The following ANKRD6 variants were observed in gnomAD, a reference collection of about 807,000 sequenced individuals.
ANKRD6 encodes the protein ankyrin repeat domain 6.
ANKRD6 carries 56 observed loss-of-function variants against 82.3 expected under a neutral mutation model. That is an observed-to-expected ratio of 0.68 (90% CI 0.55 to 0.85). The LOEUF is 0.85. ANKRD6 is among the 40% of genes least tolerant of loss of function. The pLI is 0.00. For missense variants in ANKRD6, 852 were observed against 907.6 expected (o/e 0.94, Z 0.79); for synonymous variants, 347 against 352.1 (o/e 0.99, Z 0.16).
In ANKRD6 at chr6:89,480,181, T is replaced by C. The variant is rs781674518; in HGVS notation, c.-144+46806T>C. On this transcript the variant is annotated intron_variant, in intron 1 of 15. Transcript: ENST00000339746. Reference sequence around the variant, plus strand: ...TCATACTCTCCTAGATTGTTGTCTGTCTGAAAGGTAACTATCCCAGAAGAT... The same window carrying C: ...TCATACTCTCCTAGATTGTTGTCTGCCTGAAAGGTAACTATCCCAGAAGAT... 5.9e-4 allele frequency among the ~76,000 whole-genome samples: 90 copies of C among 152,214 alleles called. 1 individual carries two copies. Among genetic ancestry groups the C allele is most frequent in the Non-Finnish European group, 1.1e-3 (77 of 68,038 alleles).
chr6:89,552,928 A>G (rs1294111760), intron 1 of ANKRD6, among the ~76,000 whole-genome samples: 1 of 152,046 alleles, frequency 6.6e-6, no homozygotes, highest in Non-Finnish European at 1.5e-5. Flanking sequence ...TGAGAAGGGG[A>G]CCTAGCGGAG....
chr6:89,545,468 C>T (rs1368876597), intron 1 of ANKRD6, among the ~76,000 whole-genome samples: 1 of 152,152 alleles, frequency 6.6e-6, no homozygotes, highest in African/African-American at 2.4e-5. Flanking sequence ...GTCATAGCAG[C>T]AGTAGCTGAG....
chr6:89,443,670 G>T (rs1176333850), intron 1 of ANKRD6, among the ~76,000 whole-genome samples: 1 of 137,170 alleles, frequency 7.3e-6, no homozygotes, highest in African/African-American at 2.8e-5. Flanking sequence ...TAGAGATTTT[G>T]CCATGTTGCT....
intron 2 of ANKRD6, among the ~76,000 whole-genome samples, chr6:89,586,172 T>A (rs994981103): frequency 6.6e-6 from 1 of 152,204 alleles, no homozygotes; most frequent in African/African-American, 2.4e-5. Context: ...TACAGTGTGA[T>A]CAGGTGGGTT....
rs1807448729 is a variant in ANKRD6 at position 89,631,740 on chromosome 6, T to A, written c.*736T>A. 6.6e-6 allele frequency: 1 copy of A among 152,206 alleles called. No individual in the cohort carries two copies. Among genetic ancestry groups the A allele is most frequent in the African/African-American group, 2.4e-5 (1 of 41,448 alleles). 9.4% of individuals were successfully genotyped at this position (152,206 alleles called of 1,614,324 possible). ...GTCAAAAAATCAGTTATATAGTGAT[T>A]TTAAAGCAGATTAATGGAAAAAAAT... On this transcript the variant is annotated 3_prime_UTR_variant, in exon 16 of 16. Coordinates refer to ENST00000339746, the MANE Select transcript of ANKRD6 (RefSeq NM_001242809.2).
intron 1 of ANKRD6, among the ~76,000 whole-genome samples, chr6:89,546,525 G>A (rs977571307): frequency 3.9e-5 from 6 of 152,160 alleles, no homozygotes; most frequent in African/African-American, 1.2e-4. Context: ...ATGCAGTGGC[G>A]TGATCTCGGC....
At chr6:89,627,786 C>A in intron 14 of ANKRD6, 90 bp downstream of exon 14, 1 of 1,053,194 alleles carries the variant, frequency 9.5e-7, no homozygotes, top group South Asian at 1.4e-5. Flanking sequence ...AACTCAGAGG[C>A]TGAGACTCCC....
chr6:89,537,120 G>A (rs140741733), intron 1 of ANKRD6, among the ~76,000 whole-genome samples: 8 of 152,234 alleles, frequency 5.3e-5, no homozygotes, highest in East Asian at 1.9e-4. Context: ...ACCGAACTGG[G>A]AACATGGTTT....
chr6:89,530,671 GT>G (rs1783037022), intron 1 of ANKRD6, among the ~76,000 whole-genome samples: 1 of 152,230 alleles, frequency 6.6e-6, no homozygotes, highest in African/African-American at 2.4e-5. Context: ...CTTGGGGCCA[GT>G]CAGGGCCAGC....
At chr6:89,614,744 T>C (rs1801076548) in intron 7 of ANKRD6, among the ~76,000 whole-genome samples, 1 of 152,076 alleles carries the variant, frequency 6.6e-6, no homozygotes, top group Non-Finnish European at 1.5e-5. Flanking sequence ...GGTGGATTGT[T>C]TGAGCCTAGG....
chr6:89,477,551 C>T (rs1253970070), intron 1 of ANKRD6, among the ~76,000 whole-genome samples: 2 of 151,508 alleles, frequency 1.3e-5, no homozygotes, highest in Non-Finnish European at 2.9e-5. Flanking sequence ...GCGGGCGGAT[C>T]ATGAGGTCAG....
chr6:89,461,209 T>A (rs1006495626), intron 1 of ANKRD6, among the ~76,000 whole-genome samples: 1 of 152,200 alleles, frequency 6.6e-6, no homozygotes, highest in Non-Finnish European at 1.5e-5. Flanking sequence ...CCACCGCACC[T>A]GGCTTGGTGT....
intron 1 of ANKRD6, among the ~76,000 whole-genome samples, chr6:89,441,620 C>CTTTTTTTTT (rs71556522): frequency 7.5e-5 from 6 of 80,458 alleles, no homozygotes; most frequent in Admixed American, 1.7e-4. Context: ...CTTTTCTTTC[C>CTTTTTTTTT]TTTTTTTTTT....
At chr6:89,593,221 T>C (rs1795238537) in intron 2 of ANKRD6, among the ~76,000 whole-genome samples, 1 of 152,194 alleles carries the variant, frequency 6.6e-6, no homozygotes, top group Admixed American at 6.5e-5. Flanking sequence ...CACTTCTCTG[T>C]CCTCATGTGA....
At chr6:89,532,865 C>A (rs953338933) in intron 1 of ANKRD6, among the ~76,000 whole-genome samples, 1 of 150,772 alleles carries the variant, frequency 6.6e-6, no homozygotes, top group Non-Finnish European at 1.5e-5. Flanking sequence ...CCATGTCCAG[C>A]TGATTTTTTG....
intron 1 of ANKRD6, among the ~76,000 whole-genome samples, chr6:89,518,058 C>G (rs1343543476): frequency 6.6e-6 from 1 of 152,202 alleles, no homozygotes; most frequent in African/African-American, 2.4e-5. Context: ...TGACATGGTT[C>G]CTGTTTTCAT....
At chr6:89,490,920 A>G (rs1777940902) in intron 1 of ANKRD6, among the ~76,000 whole-genome samples, 2 of 152,208 alleles carry the variant, frequency 1.3e-5, no homozygotes, top group Admixed American at 1.3e-4. Flanking sequence ...GATGTGATTA[A>G]GATGAGGCAG....
intron 1 of ANKRD6, among the ~76,000 whole-genome samples, chr6:89,546,039 C>G (rs960237873): frequency 6.6e-6 from 1 of 152,122 alleles, no homozygotes; most frequent in African/African-American, 2.4e-5. Context: ...GATCTCCTGA[C>G]CTCATGATCT....
At position 89,595,819 on chromosome 6, in the gene ANKRD6, G is replaced by A. The variant is rs971943514; in HGVS notation, c.121-97G>A. The A allele has an allele frequency of 1.5e-4, 135 of 917,138 alleles. 3 individuals carry two copies. In the South Asian group the frequency reaches 1.6e-3, roughly 11 times the overall value. 56.8% of individuals were successfully genotyped at this position (917,138 alleles called of 1,614,324 possible). A position where few individuals can be genotyped will look rare whatever the true frequency, so the allele number is the denominator to read the frequency against. On this transcript the variant is annotated intron_variant, in intron 2 of 15. Coordinates refer to ENST00000339746, the MANE Select transcript of ANKRD6 (RefSeq NM_001242809.2). ...AAGGGGCAGGAGGGAGTGATCATCC[G>A]AAAGCCCCTGTGCAAACCTTGCTCT...
Sources: allele counts gnomAD v4.1 joint callset (sites outside exome capture counted in the v4.1 genomes callset), GRCh38; gene constraint gnomAD v4.1.1; transcripts MANE v1.5; gene names NCBI Gene and HGNC (gene_info 2026-07-23, HGNC 2026-07-21).